The following RAD54L variants were observed in gnomAD, a reference collection of about 807,000 sequenced individuals.
RAD54L encodes the protein DNA repair and recombination protein RAD54-like.
RAD54L carries 74 observed loss-of-function variants against 91.6 expected under a neutral mutation model. That is an observed-to-expected ratio of 0.81 (90% CI 0.67 to 0.98). RAD54L has a LOEUF of 0.98. RAD54L is among the 50% of genes least tolerant of loss of function. The pLI is 0.00. For missense variants in RAD54L, 887 were observed against 945.7 expected (o/e 0.94, Z 0.81); for synonymous variants, 304 against 349.7 (o/e 0.87, Z 1.46).
At chr1:46,273,559 C>T in intron 13 of RAD54L, 65 bp from the exon 14 acceptor site, 1 of 1,612,060 alleles carries the variant, frequency 6.2e-7, no homozygotes, top group South Asian at 1.1e-5. Context: ...GGCAGGATAT[C>T]AAGAGTAAGA....
At chr1:46,271,511 G>T (rs540096183) in intron 10 of RAD54L, among the ~76,000 whole-genome samples, 128 of 152,266 alleles carry the variant, frequency 8.4e-4, no homozygotes, top group Non-Finnish European at 1.5e-3. Flanking sequence ...ACAGAAATTA[G>T]CTGGGTGTGG....
At chr1:46,259,816 G>T in intron 4 of RAD54L, 148 bp from the exon 5 acceptor site, 1 of 981,332 alleles carries the variant, frequency 1.0e-6, no homozygotes, top group Non-Finnish European at 1.6e-6. Context: ...GTCATATAGA[G>T]ATGCCCAAAC....
intron 3 of RAD54L, among the ~76,000 whole-genome samples, chr1:46,253,539 C>T (rs899445427): frequency 8.6e-5 from 13 of 151,674 alleles, no homozygotes; most frequent in African/African-American, 2.9e-4. Flanking sequence ...GGCATGAACC[C>T]GGGAGGTGGA....
At chr1:46,253,245 T>C (rs10890386) in intron 3 of RAD54L, among the ~76,000 whole-genome samples, 96,670 of 152,168 alleles carry the variant, frequency 0.64, 32,437 homozygotes, top group East Asian at 0.83. Flanking sequence ...TGTTATAAAA[T>C]TGAAGTGCTG....
rs181757249 is a variant in RAD54L at position 46,248,500 on chromosome 1, C to G, written c.4-12C>G. 6.0e-4 allele frequency: 969 copies of G among 1,614,092 alleles called. 3 individuals are homozygous for G. The highest frequency in any genetic ancestry group is 7.9e-4 in the Non-Finnish European group (935 of 1,179,988). On this transcript the variant is annotated splice_polypyrimidine_tract_variant and intron_variant, in intron 1 of 17. Transcript: ENST00000371975. ...GATCCTTGCAGGCACTGTTTCTGTT[C>G]TCCCTTTACAGAGGAGGAGCTTGGC...
At chr1:46,269,310 CTTT>C (rs76085646) in intron 9 of RAD54L, among the ~76,000 whole-genome samples, 20 of 140,162 alleles carry the variant, frequency 1.4e-4, no homozygotes, top group Admixed American at 1.4e-4. Flanking sequence ...CAACTATAGT[CTTT>C]TTTTTTTTTT....
Position 46,258,698 on chromosome 1 carries a change from C to T in RAD54L, c.223C>T (p.Arg75Ter), listed in dbSNP as rs138566817. The change falls in exon 4 of 18, where the codon CGA becomes TGA. Residue 75 changes from arginine to a stop codon, truncating the protein, a stop_gained. Transcript: ENST00000371975. LOFTEE classifies it high-confidence loss of function. ...LDSSQHEAFI[R>*]SILSKPFKVP... ...CCTTTCTTTTTAGGAAGCATTTATT[C>T]GAAGCATTTTGTCAAAGCCTTTCAA... 7.5e-6 allele frequency: 12 copies of T among 1,605,910 alleles called. No homozygotes were observed. Among genetic ancestry groups the T allele is most frequent in the African/African-American group, 1.3e-5 (1 of 74,748 alleles).
intron 9 of RAD54L, among the ~76,000 whole-genome samples, chr1:46,269,020 C>T (rs1660343654): frequency 6.6e-6 from 1 of 152,230 alleles, no homozygotes. Context: ...TTGTATCAGC[C>T]TCCCAAACTG....
intron 4 of RAD54L, 146 bp from the exon 5 acceptor site, chr1:46,259,817 AT>A: frequency 2.9e-6 from 3 of 1,021,956 alleles, no homozygotes; most frequent in Non-Finnish European, 1.5e-6. Flanking sequence ...TCATATAGAG[AT>A]GCCCAAACTG....
At chr1:46,278,043 G>C (rs1379136427) in intron 17 of RAD54L, 29 bp from the exon 18 acceptor site, 1 of 1,614,144 alleles carries the variant, frequency 6.2e-7, no homozygotes, top group Non-Finnish European at 8.5e-7. Flanking sequence ...GGGATCTGTA[G>C]TGACTTCAGC....
rs1659714453 is a variant in RAD54L at position 46,248,584 on chromosome 1, C to T, written c.76C>T (p.Gln26Ter). The T allele has an allele frequency of 1.2e-6, 2 of 1,613,972 alleles. No homozygotes were observed. Among genetic ancestry groups the T allele is most frequent in the Non-Finnish European group, 1.7e-6 (2 of 1,180,020 alleles). The change falls in exon 2 of 18, where the codon CAA becomes TAA. Residue 26 changes from glutamine (Q) to a stop codon, truncating the protein, a stop_gained. Coordinates refer to ENST00000371975, the MANE Select transcript of RAD54L (RefSeq NM_003579.4). LOFTEE classifies it high-confidence loss of function. ...EGRSCDDEDW[Q>*]PGLVTPRKRK... ...CAGGTCCTGTGATGATGAAGACTGGCAACCTGGCCTAGTGGTGAGCACTCA... is the reference window on the plus strand; with the variant it reads ...CAGGTCCTGTGATGATGAAGACTGGTAACCTGGCCTAGTGGTGAGCACTCA...
At chr1:46,249,923 G>A in intron 2 of RAD54L, 77 bp from the exon 3 acceptor site, 1 of 1,518,764 alleles carries the variant, frequency 6.6e-7, no homozygotes, top group South Asian at 1.1e-5. Flanking sequence ...CACTTAATAA[G>A]CACTTCAAGT....
rs769125029 is a variant in RAD54L, at chr1:46,270,697, A to G, written c.1081A>G (p.Ile361Val). ...ATTCAAGAAGCATTTTGAATTGCCAATTTTGAAGGGTCGAGACGCTGCTGC... is the reference window on the plus strand; with the variant it reads ...ATTCAAGAAGCATTTTGAATTGCCAGTTTTGAAGGGTCGAGACGCTGCTGC... ...HEFKKHFELP[I>V]LKGRDAAASE... The change falls in exon 10 of 18, where the codon ATT becomes GTT. Residue 361 changes from isoleucine (I) to valine (V), a missense_variant. Coordinates refer to ENST00000371975, the MANE Select transcript of RAD54L (RefSeq NM_003579.4). 23 of 1,614,070 alleles carry G rather than the reference A, an allele frequency of 1.4e-5. No homozygotes were observed. The highest frequency in any genetic ancestry group is 5.0e-5 in the Admixed American group (3 of 59,998).
chr1:46,267,766 C>T, intron 9 of RAD54L, 157 bp downstream of exon 9: 1 of 1,034,066 alleles, frequency 9.7e-7, no homozygotes, highest in Non-Finnish European at 1.4e-6. Context: ...GTAGCAAAGC[C>T]ATTGGGAGGC....
At chr1:46,267,359 C>T (rs935011447) in intron 8 of RAD54L, 100 bp from the exon 9 acceptor site, 15 of 1,531,976 alleles carry the variant, frequency 9.8e-6, no homozygotes, top group African/African-American at 9.6e-5. Context: ...CCACGGCGCC[C>T]GGCCTGGAAT....
Position 46,258,305 on chromosome 1 carries a change from C to CAA in RAD54L, c.211-366_211-365dup, listed in dbSNP as rs56952108. Among the ~76,000 whole-genome samples, 178 of 89,034 alleles carry CAA rather than the reference C, an allele frequency of 2.0e-3. 1 individual carries two copies. The highest frequency in any genetic ancestry group is 6.7e-3 in the African/African-American group (165 of 24,680). 58.4% of individuals were successfully genotyped at this position (89,034 alleles called of 152,430 possible). On this transcript the variant is annotated intron_variant, in intron 3 of 17. Coordinates refer to ENST00000371975, the MANE Select transcript of RAD54L (RefSeq NM_003579.4). ...ATATATTAGACATAACTGATGTAGCCAAAAAAAAAAAAAAAAGAATTGTGA... is the reference window on the plus strand; with the variant it reads ...ATATATTAGACATAACTGATGTAGCCAAAAAAAAAAAAAAAAAAGAATTGTGA...
rs2148274012 is a variant in RAD54L, at chr1:46,248,306, C to T, written c.-100C>T. 3 of 1,417,218 alleles carry T rather than the reference C, an allele frequency of 2.1e-6. No individual in the cohort carries two copies. The highest frequency in any genetic ancestry group is 3.0e-6 in the Non-Finnish European group (3 of 1,011,640). The allele number at this position is 1,417,218 out of a possible 1,614,324, so 87.8% of individuals were successfully genotyped here. On this transcript the variant is annotated 5_prime_UTR_variant, in exon 1 of 18. Transcript: ENST00000371975. Reference sequence around the variant, plus strand: ...GCCGGTCCTCTCAATAATGTAGCAGCCCCCTCTACAGATTAGACCCTGGTC... The same window carrying T: ...GCCGGTCCTCTCAATAATGTAGCAGTCCCCTCTACAGATTAGACCCTGGTC...
At chr1:46,268,284 C>T (rs1660322558) in intron 9 of RAD54L, among the ~76,000 whole-genome samples, 1 of 152,094 alleles carries the variant, frequency 6.6e-6, no homozygotes, top group African/African-American at 2.4e-5. Flanking sequence ...TGCCACTGCA[C>T]TCTAGCCTGG....
chr1:46,269,355 C>T (rs979778930), intron 9 of RAD54L, among the ~76,000 whole-genome samples: 8 of 150,266 alleles, frequency 5.3e-5, no homozygotes, highest in Non-Finnish European at 8.9e-5. Flanking sequence ...GTCACCCAGG[C>T]TGGAATGCAG....
Sources: gnomAD v4.1 joint callset for allele counts (sites outside exome capture counted in the v4.1 genomes callset) on GRCh38, gnomAD v4.1.1 for gene constraint, MANE v1.5 for transcripts, NCBI Gene and HGNC (gene_info 2026-07-23, HGNC 2026-07-21) for gene names.